ABCC4: variants seen among roughly 807,000 people sequenced by gnomAD.
The protein encoded by ABCC4 is ATP-binding cassette sub-family C member 4.
A neutral mutation model predicts 168.5 loss-of-function variants in ABCC4; 102 were observed. The ratio of observed to expected loss-of-function variants is 0.61; its 90% CI spans 0.52 to 0.71. ABCC4 has a LOEUF of 0.71. Among genes scored for constraint, ABCC4 ranks in the 30% least tolerant of loss-of-function variants. The probability of loss-of-function intolerance (pLI) is 0.00; values close to 1 mark genes in which losing one functional copy is unlikely to be tolerated. For missense variants in ABCC4, 1,402 were observed against 1,605.8 expected, an observed-to-expected ratio of 0.87 and a Z score of 2.17; for synonymous variants, 617 against 590.7, an observed-to-expected ratio of 1.04 and a Z score of -0.65.
chr13:95,186,874 C>T lies in ABCC4; in HGVS notation c.1372G>A (p.Val458Met), dbSNP rs200858900. The part of the protein sequence containing the change: ...GAGKSSLLSA[V>M]LGELAPSHGL... ...TGACTTGGGGCCAATTCCCCGAGCA[C>T]GGCACTTAACAGTGATGACTGAAAC... The change falls in exon 11 of 31, where the codon GTG becomes ATG. Residue 458 changes from valine (V) to methionine (M), a missense_variant. Transcript: ENST00000645237. 2.0e-4 allele frequency: 325 copies of T among 1,612,172 alleles called. No individual in the cohort carries two copies. The highest frequency in any genetic ancestry group is 2.9e-4 in the South Asian group (26 of 90,632).
chr13:95,252,845 T>C (rs533746721), intron 1 of ABCC4, among the ~76,000 whole-genome samples: 18 of 152,236 alleles, frequency 1.2e-4, no homozygotes, highest in Middle Eastern at 3.4e-3. Context: ...GAGAGTGAAA[T>C]AGATACACAG....
intron 1 of ABCC4, among the ~76,000 whole-genome samples, chr13:95,274,808 G>A (rs770544199): frequency 6.6e-6 from 1 of 152,198 alleles, no homozygotes; most frequent in Non-Finnish European, 1.5e-5. Context: ...CAGGCATGGT[G>A]GCTTATGCCT....
At chr13:95,083,686 C>T (rs925729297) in intron 20 of ABCC4, among the ~76,000 whole-genome samples, 2 of 151,878 alleles carry the variant, frequency 1.3e-5, no homozygotes, top group Non-Finnish European at 2.9e-5. Context: ...GTCACCATGC[C>T]TAATTTTTGT....
intron 4 of ABCC4, among the ~76,000 whole-genome samples, chr13:95,229,319 A>T (rs553859321): frequency 2.0e-5 from 3 of 152,206 alleles, no homozygotes; most frequent in Non-Finnish European, 4.4e-5. Flanking sequence ...GTGGAAGATG[A>T]AGGACAGACA....
intron 6 of ABCC4, among the ~76,000 whole-genome samples, chr13:95,208,506 C>G (rs1184223907): frequency 2.0e-5 from 3 of 151,916 alleles, no homozygotes; most frequent in Non-Finnish European, 4.4e-5. Context: ...TCATCTCGAT[C>G]CAGCTGACAA....
chr13:95,078,652 G>A (rs1426911627), intron 21 of ABCC4, among the ~76,000 whole-genome samples: 1 of 152,114 alleles, frequency 6.6e-6, no homozygotes, highest in Non-Finnish European at 1.5e-5. Context: ...TGGTCAATCT[G>A]GAAACAGGGT....
At chr13:95,261,336 C>A (rs1332878209) in intron 1 of ABCC4, among the ~76,000 whole-genome samples, 1 of 152,048 alleles carries the variant, frequency 6.6e-6, no homozygotes, top group Admixed American at 6.6e-5. Context: ...GTAATCCCAG[C>A]TACTCAGGAA....
At chr13:95,228,145 C>T (rs1366537398) in intron 4 of ABCC4, among the ~76,000 whole-genome samples, 1 of 152,226 alleles carries the variant, frequency 6.6e-6, no homozygotes, top group East Asian at 1.9e-4. Context: ...GGCTCAGTTG[C>T]TGACAAAATT....
At chr13:95,235,483 A>G (rs918719904) in intron 3 of ABCC4, among the ~76,000 whole-genome samples, 5 of 152,164 alleles carry the variant, frequency 3.3e-5, no homozygotes, top group Admixed American at 2.6e-4. Context: ...TTTGCTTACA[A>G]ACAGACACCC....
chr13:95,292,314 G>A (rs1003282252), intron 1 of ABCC4, among the ~76,000 whole-genome samples: 2 of 151,972 alleles, frequency 1.3e-5, no homozygotes, highest in African/African-American at 2.4e-5. Flanking sequence ...AACTGAGATC[G>A]CACCACTGCA....
At chr13:95,158,413 G>A (rs1172410197) in intron 19 of ABCC4, among the ~76,000 whole-genome samples, 4 of 152,172 alleles carry the variant, frequency 2.6e-5, no homozygotes, top group Admixed American at 6.5e-5. Flanking sequence ...TATGAGGGAC[G>A]TCTAGCCAGA....
At chr13:95,076,866 C>G (rs1351937794) in intron 21 of ABCC4, among the ~76,000 whole-genome samples, 1 of 152,042 alleles carries the variant, frequency 6.6e-6, no homozygotes, top group Admixed American at 6.5e-5. Context: ...CTCAAGGGAT[C>G]CTCCCACCTC....
At chr13:95,054,098 C>T (rs1249919548) in intron 26 of ABCC4, among the ~76,000 whole-genome samples, 1 of 118,278 alleles carries the variant, frequency 8.5e-6, no homozygotes, top group African/African-American at 3.3e-5. Context: ...GGGCCAGAGG[C>T]ACCTCTACTT....
chr13:95,267,293 T>C (rs932212235), intron 1 of ABCC4, among the ~76,000 whole-genome samples: 3 of 152,124 alleles, frequency 2.0e-5, no homozygotes, highest in African/African-American at 7.2e-5. Flanking sequence ...ATTCCCATGA[T>C]AGTGAATAGG....
At chr13:95,261,062 C>G (rs892632011) in intron 1 of ABCC4, among the ~76,000 whole-genome samples, 1 of 151,984 alleles carries the variant, frequency 6.6e-6, no homozygotes, top group Non-Finnish European at 1.5e-5. Context: ...AAAAACATCG[C>G]AACCCAAGTC....
chr13:95,058,701 T>G (rs1594025041), intron 26 of ABCC4, among the ~76,000 whole-genome samples: 2 of 152,112 alleles, frequency 1.3e-5, no homozygotes, highest in South Asian at 4.2e-4. Flanking sequence ...TAGTTCTGAG[T>G]TCTGATTCTA....
intron 13 of ABCC4, among the ~76,000 whole-genome samples, chr13:95,174,759 C>T (rs1311078196): frequency 6.6e-6 from 1 of 152,114 alleles, no homozygotes; most frequent in Non-Finnish European, 1.5e-5. Context: ...CTCAAGCAAG[C>T]CACAGAGGCC....
intron 20 of ABCC4, among the ~76,000 whole-genome samples, chr13:95,090,187 G>A (rs1047584502): frequency 2.0e-5 from 3 of 152,104 alleles, no homozygotes; most frequent in East Asian, 1.9e-4. Context: ...CCTACGCACT[G>A]TGGTAGTGGA....
intron 4 of ABCC4, among the ~76,000 whole-genome samples, chr13:95,220,643 C>T (rs927785631): frequency 1.3e-5 from 2 of 152,158 alleles, no homozygotes; most frequent in East Asian, 1.9e-4. Context: ...ATCTCTTTCA[C>T]TGATGAGGAT....
Sources: allele counts gnomAD v4.1 joint callset (sites outside exome capture counted in the v4.1 genomes callset), GRCh38; gene constraint gnomAD v4.1.1; transcripts MANE v1.5; gene names NCBI Gene and HGNC (gene_info 2026-07-23, HGNC 2026-07-21).